The following ADAMTSL3 variants were observed in gnomAD, a reference collection of about 807,000 sequenced individuals.
The protein encoded by ADAMTSL3 is ADAMTS-like protein 3.
A neutral mutation model predicts 201.7 loss-of-function variants in ADAMTSL3; 128 were observed. That is an observed-to-expected ratio of 0.63 (90% confidence interval 0.55 to 0.73). ADAMTSL3 has a LOEUF of 0.73. Ranked by LOEUF, ADAMTSL3 falls within the 30% of genes least tolerant of loss-of-function variation. ADAMTSL3 has a pLI of 0.00. For synonymous variants in ADAMTSL3, 738 were observed against 748.4 expected (o/e 0.99, Z 0.23); for missense variants, 1,990 against 2,119.6 (o/e 0.94, Z 1.20).
At chr15:83,857,733 TAAA>T (rs1596321184) in intron 7 of ADAMTSL3, among the ~76,000 whole-genome samples, 1 of 152,208 alleles carries the variant, frequency 6.6e-6, no homozygotes, top group South Asian at 2.1e-4. Flanking sequence ...TTCTATTTAA[TAAA>T]AACTTGCAAA....
At chr15:83,979,354 G>A (rs1306484905) in intron 20 of ADAMTSL3, among the ~76,000 whole-genome samples, 1 of 152,132 alleles carries the variant, frequency 6.6e-6, no homozygotes, top group African/African-American at 2.4e-5. Flanking sequence ...ACCACTGAAA[G>A]GCCCATAGCC....
intron 2 of ADAMTSL3, among the ~76,000 whole-genome samples, chr15:83,688,722 C>G (rs2061569567): frequency 6.9e-6 from 1 of 145,190 alleles, no homozygotes; most frequent in African/African-American, 2.6e-5. Flanking sequence ...ACAAAAAAAA[C>G]TATCTAGTGT....
At chr15:83,895,984 T>G (rs1016802271) in intron 13 of ADAMTSL3, among the ~76,000 whole-genome samples, 2 of 152,168 alleles carry the variant, frequency 1.3e-5, no homozygotes, top group Non-Finnish European at 2.9e-5. Flanking sequence ...TCTTTGAAAC[T>G]TGTCCCTAGC....
chr15:83,929,224 A>C (rs1011102), intron 17 of ADAMTSL3, among the ~76,000 whole-genome samples: 52,676 of 152,018 alleles, frequency 0.35, 9,881 homozygotes, highest in Admixed American at 0.47. Flanking sequence ...TGCCATAACA[A>C]AGCACCAGAA....
intron 23 of ADAMTSL3, among the ~76,000 whole-genome samples, chr15:84,004,884 GGT>G (rs1211374889): frequency 6.6e-6 from 1 of 152,202 alleles, no homozygotes; most frequent in African/African-American, 2.4e-5. Flanking sequence ...CAGCCAGTGT[GGT>G]GTGTTTGGAG....
In ADAMTSL3 at chr15:84,006,257, T is replaced by C. The variant is rs2067892516; in HGVS notation, c.3974-8285T>C. 2.0e-5 allele frequency among the ~76,000 whole-genome samples: 3 copies of C among 152,250 alleles called. No individual in the cohort carries two copies. In the South Asian group the frequency reaches 6.2e-4, roughly 32 times the overall value. On this transcript the variant is annotated intron_variant, in intron 23 of 29. Transcript: ENST00000286744. Reference sequence around the variant, plus strand: ...ATAAATTGGCAACATCATTTCTTCATGATTCCCCAGAGATAACTGATGGTA... The same window carrying C: ...ATAAATTGGCAACATCATTTCTTCACGATTCCCCAGAGATAACTGATGGTA...
chr15:83,885,664 T>C (rs188934898), intron 10 of ADAMTSL3, among the ~76,000 whole-genome samples: 2 of 152,178 alleles, frequency 1.3e-5, no homozygotes, highest in East Asian at 3.9e-4. Flanking sequence ...AGTATAAGCT[T>C]ATTAAAAAGA....
intron 3 of ADAMTSL3, among the ~76,000 whole-genome samples, chr15:83,753,489 T>C (rs2062671470): frequency 2.0e-5 from 3 of 152,336 alleles, no homozygotes; most frequent in Admixed American, 2.0e-4. Context: ...TGGGAGTTTA[T>C]TTAAAGCCTG....
intron 9 of ADAMTSL3, among the ~76,000 whole-genome samples, chr15:83,874,024 A>G (rs965719402): frequency 1.4e-5 from 2 of 145,694 alleles, no homozygotes; most frequent in Non-Finnish European, 3.0e-5. Context: ...GTCCTAACCC[A>G]TAGCACATCT....
chr15:83,962,152 C>G (rs934578088), intron 19 of ADAMTSL3: 4 of 152,178 alleles, frequency 2.6e-5, no homozygotes, highest in African/African-American at 9.7e-5. Flanking sequence ...CTCTCATTCT[C>G]TCTTGCCTGC....
intron 5 of ADAMTSL3, among the ~76,000 whole-genome samples, chr15:83,818,544 C>G (rs2063803836): frequency 6.6e-6 from 1 of 152,220 alleles, no homozygotes; most frequent in Admixed American, 6.5e-5. Flanking sequence ...CCAGGCTGGT[C>G]TGGAGCTCCT....
intron 4 of ADAMTSL3, among the ~76,000 whole-genome samples, chr15:83,788,582 GC>G (rs2141818177): frequency 6.6e-6 from 1 of 152,214 alleles, no homozygotes; most frequent in East Asian, 1.9e-4. Flanking sequence ...AAATCTAAAG[GC>G]ATCTGGATTG....
chr15:83,928,243 G>A (rs1426974311), intron 17 of ADAMTSL3, among the ~76,000 whole-genome samples: 1 of 152,078 alleles, frequency 6.6e-6, no homozygotes, highest in Non-Finnish European at 1.5e-5. Flanking sequence ...TTGACCTCCT[G>A]GGCTCAAGAC....
At chr15:83,895,137 G>C (rs2065586470) in intron 13 of ADAMTSL3, among the ~76,000 whole-genome samples, 1 of 152,172 alleles carries the variant, frequency 6.6e-6, no homozygotes, top group South Asian at 2.1e-4. Context: ...TTTGTTCTTT[G>C]AACTCTTGAG....
intron 2 of ADAMTSL3, among the ~76,000 whole-genome samples, chr15:83,687,764 A>G (rs958035221): frequency 1.1e-4 from 16 of 152,190 alleles, no homozygotes; most frequent in Admixed American, 8.5e-4. Flanking sequence ...AGAAGGAGGA[A>G]TAACAGGCCA....
intron 4 of ADAMTSL3, among the ~76,000 whole-genome samples, chr15:83,774,214 G>T (rs1043877407): frequency 1.3e-5 from 2 of 152,148 alleles, no homozygotes; most frequent in Non-Finnish European, 2.9e-5. Flanking sequence ...CAAGGATTTT[G>T]CATCAGCTCT....
intron 17 of ADAMTSL3, among the ~76,000 whole-genome samples, chr15:83,934,804 A>G (rs1200000260): frequency 6.6e-6 from 1 of 152,188 alleles, no homozygotes; most frequent in African/African-American, 2.4e-5. Context: ...AGAGAATCAC[A>G]TCAACAAATG....
chr15:83,968,204 G>C (rs2067125168), intron 19 of ADAMTSL3, among the ~76,000 whole-genome samples: 1 of 152,170 alleles, frequency 6.6e-6, no homozygotes, highest in African/African-American at 2.4e-5. Context: ...AAACTGAAGA[G>C]CTTCTGCACA....
chr15:83,721,556 T>C (rs1596087293), intron 3 of ADAMTSL3, among the ~76,000 whole-genome samples: 1 of 152,268 alleles, frequency 6.6e-6, no homozygotes, highest in Middle Eastern at 3.4e-3. Context: ...CAGTTCTACA[T>C]AGATTAACAT....
Sources: gnomAD v4.1 joint callset for allele counts (sites outside exome capture counted in the v4.1 genomes callset) on GRCh38, gnomAD v4.1.1 for gene constraint, MANE v1.5 for transcripts, NCBI Gene and HGNC (gene_info 2026-07-23, HGNC 2026-07-21) for gene names.